The following FGD5 variants were observed in gnomAD, a reference collection of about 807,000 sequenced individuals.
FGD5 encodes FYVE, RhoGEF and PH domain containing 5, also known as FYVE, RhoGEF and PH domain-containing protein 5.
In FGD5, 28 loss-of-function variants were observed where a neutral mutation model predicts 133.4. The ratio of observed to expected loss-of-function variants is 0.21; its 90% CI spans 0.16 to 0.29. The LOEUF (loss-of-function observed/expected upper bound fraction) is 0.29, where lower values mean the gene tolerates loss of function less well. Among genes scored for constraint, FGD5 ranks in the 10% least tolerant of loss-of-function variants. FGD5 has a pLI of 1.00. For missense variants in FGD5, 1,858 were observed against 1,895.2 expected, an observed-to-expected ratio of 0.98 and a Z score of 0.36; for synonymous variants, 810 against 776.5, an observed-to-expected ratio of 1.04 and a Z score of -0.72.
chr3:14,933,135 A>G lies in FGD5; in HGVS notation c.4357A>G (p.Ile1453Val). 1.9e-6 allele frequency: 3 copies of G among 1,613,608 alleles called. No individual in the cohort carries two copies. The highest frequency in any genetic ancestry group is 1.7e-6 in the Non-Finnish European group (2 of 1,179,764). ...AEDTNSAQRW[I>V]EAMEDASVL ...CCTCCCTGTTTTGTTTTATAGGTGGATCGAGGCCATGGAAGATGCGAGTGT... is the reference window on the plus strand; with the variant it reads ...CCTCCCTGTTTTGTTTTATAGGTGGGTCGAGGCCATGGAAGATGCGAGTGT... Residue 1453 changes from isoleucine to valine, a missense_variant, in exon 20 of 20, where the codon ATC (isoleucine) becomes GTC (valine). This residue lies in a region of FGD5 where 1,824 missense variants were observed against 1,848.9 expected (regional missense o/e 0.99). Coordinates refer to ENST00000285046, the MANE Select transcript of FGD5 (RefSeq NM_152536.4).
chr3:14,856,348 C>CT (rs1192811644), intron 1 of FGD5, among the ~76,000 whole-genome samples: 1 of 152,030 alleles, frequency 6.6e-6, no homozygotes, highest in East Asian at 1.9e-4. Context: ...ATTGCTTTGG[C>CT]TATTTGGGTC....
At chr3:14,869,632 C>T (rs1318941692) in intron 2 of FGD5, among the ~76,000 whole-genome samples, 2 of 152,192 alleles carry the variant, frequency 1.3e-5, no homozygotes, top group African/African-American at 4.8e-5. Flanking sequence ...GCCACCGTTC[C>T]ACTTCCTGTC....
chr3:14,864,000 T>G (rs1575216105), intron 1 of FGD5, 128 bp from the exon 2 acceptor site: 2 of 1,337,562 alleles, frequency 1.5e-6, no homozygotes, highest in East Asian at 2.4e-5. Flanking sequence ...GGTGGGGAAG[T>G]AGGAATTTTG....
intron 1 of FGD5, among the ~76,000 whole-genome samples, chr3:14,830,929 G>A (rs116673142): frequency 2.3e-3 from 344 of 152,290 alleles, no homozygotes; most frequent in African/African-American, 7.9e-3. Context: ...AGACTAGTAA[G>A]TGAACACGAT....
At chr3:14,897,443 A>G (rs2038158464) in intron 4 of FGD5, 66 bp from the exon 5 acceptor site, 1 of 1,545,036 alleles carries the variant, frequency 6.5e-7, no homozygotes, top group Non-Finnish European at 8.7e-7. Context: ...CCCAGGGGAA[A>G]TCTGCCAAGG....
chr3:14,830,636 G>A (rs1257048014), intron 1 of FGD5, among the ~76,000 whole-genome samples: 2 of 152,202 alleles, frequency 1.3e-5, no homozygotes, highest in African/African-American at 4.8e-5. Context: ...GTCAGCAGCA[G>A]GTCTCCTTGA....
chr3:14,847,316 G>C (rs2037068865), intron 1 of FGD5, among the ~76,000 whole-genome samples: 1 of 152,152 alleles, frequency 6.6e-6, no homozygotes, highest in Non-Finnish European at 1.5e-5. Context: ...CCATTTTATA[G>C]CTGAGGAAAC....
At position 14,820,835 on chromosome 3, in the gene FGD5, A is replaced by T; in HGVS notation, c.1764A>T (p.Val588=). The T allele has an allele frequency of 1.2e-6, 2 of 1,613,696 alleles. No individual in the cohort carries two copies. Among genetic ancestry groups the T allele is most frequent in the Non-Finnish European group, 1.7e-6 (2 of 1,179,794 alleles). The part of the protein sequence containing the change: ...RKEDNLSLSC[V]IGSSGSFSQR... ...AGGACAATCTCTCTCTGTCGTGTGT[A>T]ATTGGCTCCTCTGGGAGTTTCTCCC... The change falls in exon 1 of 20, where the codon GTA becomes GTT. Residue 588 remains valine (V), a synonymous_variant. Coordinates refer to ENST00000285046, the MANE Select transcript of FGD5 (RefSeq NM_152536.4).
intron 2 of FGD5, among the ~76,000 whole-genome samples, chr3:14,878,043 G>A (rs925192502): frequency 1.3e-5 from 2 of 152,222 alleles, no homozygotes; most frequent in Admixed American, 1.3e-4. Flanking sequence ...AGGCAGTCAT[G>A]GATGACTGTG....
Position 14,867,824 on chromosome 3 carries a change from G to A in FGD5, c.2658+3564G>A, listed in dbSNP as rs529649285. ...TCCATGCCCTAGTCACATCGTGTGGGACGTGGGAGCAAGATTTTCTGTCTC... is the reference window on the plus strand; with the variant it reads ...TCCATGCCCTAGTCACATCGTGTGGAACGTGGGAGCAAGATTTTCTGTCTC... On this transcript the variant is annotated intron_variant, in intron 2 of 19. Transcript: ENST00000285046. 7.2e-5 allele frequency among the ~76,000 whole-genome samples: 11 copies of A among 152,320 alleles called. No individual in the cohort carries two copies. In the South Asian group the frequency reaches 2.3e-3, roughly 32 times the overall value.
chr3:14,865,291 T>G (rs1053181150), intron 2 of FGD5, among the ~76,000 whole-genome samples: 1 of 152,210 alleles, frequency 6.6e-6, no homozygotes, highest in East Asian at 1.9e-4. Flanking sequence ...CTACATTGAT[T>G]AAAGACCATT....
At chr3:14,864,074 T>C in intron 1 of FGD5, 54 bp from the exon 2 acceptor site, 1 of 1,580,790 alleles carries the variant, frequency 6.3e-7, no homozygotes, top group South Asian at 1.1e-5. Flanking sequence ...GTAGGTTCAC[T>C]TTGCCTATGC....
At chr3:14,830,308 T>G (rs2125076455) in intron 1 of FGD5, among the ~76,000 whole-genome samples, 1 of 152,326 alleles carries the variant, frequency 6.6e-6, no homozygotes, top group East Asian at 1.9e-4. Flanking sequence ...AGTTTTTAAT[T>G]TTCTGACTTA....
In FGD5 at chr3:14,865,808, A is replaced by G. The variant is rs59739385; in HGVS notation, c.2658+1548A>G. On this transcript the variant is annotated intron_variant, in intron 2 of 19. Coordinates refer to ENST00000285046, the MANE Select transcript of FGD5 (RefSeq NM_152536.4). ...GCTGGCTCCAAGTCCAGTGTTGCCTATCACTGCGGGCCTTCTCTGACCTCT... is the reference window on the plus strand; with the variant it reads ...GCTGGCTCCAAGTCCAGTGTTGCCTGTCACTGCGGGCCTTCTCTGACCTCT... Among the ~76,000 whole-genome samples the G allele has an allele frequency of 4.5e-4, 68 of 152,344 alleles. 1 individual carries two copies. Among genetic ancestry groups the G allele is most frequent in the African/African-American group, 1.4e-3 (60 of 41,588 alleles).
chr3:14,817,777 A>C (rs1015569675), upstream of FGD5, among the ~76,000 whole-genome samples: 1 of 152,198 alleles, frequency 6.6e-6, no homozygotes. Context: ...AGATTAGACC[A>C]GGCTGAAGGA....
At chr3:14,854,428 T>TTG (rs1553625429) in intron 1 of FGD5, among the ~76,000 whole-genome samples, 5,380 of 64,680 alleles carry the variant, frequency 0.083, 147 homozygotes, top group South Asian at 0.18. Flanking sequence ...TTTATTTATT[T>TTG]ATTTATTGAG....
chr3:14,857,871 A>G (rs186608254), intron 1 of FGD5, among the ~76,000 whole-genome samples: 201 of 152,212 alleles, frequency 1.3e-3, no homozygotes, highest in Non-Finnish European at 2.3e-3. Flanking sequence ...CATTATTTCA[A>G]TGAATCCTCT....
At chr3:14,923,285 G>T in intron 16 of FGD5, 110 bp downstream of exon 16, 5 of 1,404,628 alleles carry the variant, frequency 3.6e-6, no homozygotes, top group Non-Finnish European at 4.8e-6. Context: ...TTCCCTGGAG[G>T]GAGTTATTCA....
upstream of FGD5, among the ~76,000 whole-genome samples, chr3:14,815,036 C>T (rs1384298761): frequency 6.6e-6 from 1 of 152,184 alleles, no homozygotes; most frequent in African/African-American, 2.4e-5. Context: ...AGTCTCCTCA[C>T]TGGTCTCCCT....
Sources: gnomAD v4.1 joint callset for allele counts (sites outside exome capture counted in the v4.1 genomes callset) on GRCh38, gnomAD v4.1.1 for gene constraint, gnomAD v4.1.1 regional missense constraint, MANE v1.5 for transcripts, NCBI Gene and HGNC (gene_info 2026-07-23, HGNC 2026-07-21) for gene names.